INVS: variants seen among roughly 807,000 people sequenced by gnomAD.
The protein encoded by INVS is inversion of embryo turning homolog.
In INVS, 86 loss-of-function variants were observed where a neutral mutation model predicts 108.8. That is an observed-to-expected ratio of 0.79 (90% CI 0.66 to 0.95). INVS has a LOEUF of 0.95. Among genes scored for constraint, INVS ranks in the 40% least tolerant of loss-of-function variants. The probability of loss-of-function intolerance (pLI) is 0.00; values close to 1 mark genes in which losing one functional copy is unlikely to be tolerated. For synonymous variants in INVS, 455 were observed against 473.5 expected (o/e 0.96, Z 0.51); for missense variants, 1,169 against 1,297.4 (o/e 0.90, Z 1.52).
intron 3 of INVS, among the ~76,000 whole-genome samples, chr9:100,170,232 C>T (rs899047214): frequency 6.6e-6 from 1 of 152,040 alleles, no homozygotes; most frequent in African/African-American, 2.4e-5. Flanking sequence ...GTTGTGAGTA[C>T]ATTTATACTT....
intron 3 of INVS, among the ~76,000 whole-genome samples, chr9:100,205,017 T>C (rs537235611): frequency 1.4e-4 from 21 of 152,268 alleles, no homozygotes; most frequent in Admixed American, 8.5e-4. Context: ...CTTCCTTTCA[T>C]TGAAGACACT....
At chr9:100,190,668 T>C (rs1362077072) in intron 3 of INVS, among the ~76,000 whole-genome samples, 1 of 152,192 alleles carries the variant, frequency 6.6e-6, no homozygotes, top group Non-Finnish European at 1.5e-5. Context: ...AATTATTCTG[T>C]TGAAGGAGGC....
In INVS at chr9:100,242,556, G is replaced by T. The variant is rs758508606; in HGVS notation, c.797-14G>T. 3.0e-6 allele frequency: 4 copies of T among 1,345,688 alleles called. No individual in the cohort carries two copies. Among genetic ancestry groups the T allele is most frequent in the Non-Finnish European group, 4.3e-6 (4 of 936,004 alleles). The allele number at this position is 1,345,688 out of a possible 1,614,324, so 83.4% of individuals were successfully genotyped here. ...CTTTATAAGTGATAATTACCTTTTT[G>T]TGTCTTTTCTCAGGCCATGCACAGA... On this transcript the variant is annotated splice_polypyrimidine_tract_variant and intron_variant, in intron 6 of 16. Transcript: ENST00000262457.
At chr9:100,298,627 C>T (rs138140762) in intron 16 of INVS, among the ~76,000 whole-genome samples, 88 of 90,574 alleles carry the variant, frequency 9.7e-4, no homozygotes, top group African/African-American at 3.6e-3. Flanking sequence ...CCTGCCTCCT[C>T]GATCCACACA....
chr9:100,230,559 C>T (rs138415714), intron 5 of INVS, among the ~76,000 whole-genome samples: 1 of 152,216 alleles, frequency 6.6e-6, no homozygotes, highest in Non-Finnish European at 1.5e-5. Flanking sequence ...TGCTCTGTCA[C>T]CCAGGCTGTA....
At chr9:100,126,640 A>G in intron 3 of INVS, 91 bp downstream of exon 3, 1 of 1,217,046 alleles carries the variant, frequency 8.2e-7, no homozygotes, top group Non-Finnish European at 1.2e-6. Context: ...ATAATAAAGA[A>G]GTCTCAAATG....
intron 3 of INVS, among the ~76,000 whole-genome samples, chr9:100,222,174 A>G (rs376053031): frequency 1.5e-4 from 23 of 152,276 alleles, no homozygotes; most frequent in African/African-American, 5.5e-4. Context: ...CTATCTGACC[A>G]TCTATGTTTT....
intron 13 of INVS, among the ~76,000 whole-genome samples, chr9:100,286,236 G>A (rs1833437030): frequency 1.3e-5 from 2 of 152,108 alleles, no homozygotes; most frequent in Non-Finnish European, 2.9e-5. Context: ...ATCTAGCCAA[G>A]AACAACTACA....
At chr9:100,142,496 G>A (rs1199218126) in intron 3 of INVS, among the ~76,000 whole-genome samples, 1 of 152,126 alleles carries the variant, frequency 6.6e-6, no homozygotes, top group African/African-American at 2.4e-5. Flanking sequence ...ACGGGGAAAT[G>A]GGGTGAATGT....
chr9:100,100,790 A>ATG (rs1456052950), intron 1 of INVS, among the ~76,000 whole-genome samples: 2 of 12,272 alleles, frequency 1.6e-4, no homozygotes, highest in African/African-American at 4.9e-4. Context: ...TATATATTAT[A>ATG]TATATAATAT....
At chr9:100,237,164 G>A (rs1831713334) in intron 5 of INVS, among the ~76,000 whole-genome samples, 1 of 152,126 alleles carries the variant, frequency 6.6e-6, no homozygotes, top group Admixed American at 6.5e-5. Flanking sequence ...ACTGTGAGGG[G>A]AAAACCGCCT....
At chr9:100,258,102 C>A (rs1372490158) in intron 10 of INVS, among the ~76,000 whole-genome samples, 1 of 152,144 alleles carries the variant, frequency 6.6e-6, no homozygotes, top group East Asian at 1.9e-4. Context: ...AGGCTTTGTT[C>A]ATTTCTTTTT....
At chr9:100,178,563 A>G (rs1829785946) in intron 3 of INVS, among the ~76,000 whole-genome samples, 1 of 152,198 alleles carries the variant, frequency 6.6e-6, no homozygotes, top group Admixed American at 6.6e-5. Flanking sequence ...AACTTAATGA[A>G]ATAAAGTGTG....
rs1384708581 is a variant in INVS, at chr9:100,139,876, C to G, written c.273+13327C>G. Among the ~76,000 whole-genome samples the G allele has an allele frequency of 2.0e-5, 3 of 152,178 alleles. 1 individual carries two copies. Among genetic ancestry groups the G allele is most frequent in the Admixed American group, 2.0e-4 (3 of 15,276 alleles). On this transcript the variant is annotated intron_variant, in intron 3 of 16. Coordinates refer to ENST00000262457, the MANE Select transcript of INVS (RefSeq NM_014425.5). The stretch of plus-strand genomic sequence containing the variant: ...TGGGCTGGTCTCAAACTCCTGAGCT[C>G]AAGCTATCAGCCCGCCTTGGCCCAC...
chr9:100,192,722 C>T (rs1459392148), intron 3 of INVS, among the ~76,000 whole-genome samples: 2 of 152,148 alleles, frequency 1.3e-5, no homozygotes, highest in Non-Finnish European at 2.9e-5. Context: ...GGCAATATTT[C>T]GTTTTGTCAG....
intron 3 of INVS, among the ~76,000 whole-genome samples, chr9:100,222,780 G>A (rs996362919): frequency 4.0e-5 from 6 of 150,832 alleles, no homozygotes; most frequent in East Asian, 1.9e-4. Context: ...TTTATTTTTC[G>A]GTATGAAGTG....
chr9:100,288,101 C>T (rs1157603822), intron 13 of INVS, among the ~76,000 whole-genome samples: 2 of 152,174 alleles, frequency 1.3e-5, no homozygotes, highest in Admixed American at 6.5e-5. Context: ...ATTCTGAAAA[C>T]CAGCTGGTCA....
intron 3 of INVS, among the ~76,000 whole-genome samples, chr9:100,147,160 C>T (rs1359766556): frequency 6.6e-6 from 1 of 152,184 alleles, no homozygotes; most frequent in African/African-American, 2.4e-5. Flanking sequence ...TAACATTGGG[C>T]AAAACACAAC....
chr9:100,113,420 G>A (rs1455815672), intron 2 of INVS, among the ~76,000 whole-genome samples: 1 of 152,174 alleles, frequency 6.6e-6, no homozygotes, highest in Non-Finnish European at 1.5e-5. Context: ...TTTTACCAGC[G>A]AAGTAAATTG....
Sources: allele counts gnomAD v4.1 joint callset (sites outside exome capture counted in the v4.1 genomes callset), GRCh38; gene constraint gnomAD v4.1.1; transcripts MANE v1.5; gene names NCBI Gene and HGNC (gene_info 2026-07-23, HGNC 2026-07-21).